ATP8A1: variants seen among roughly 807,000 people sequenced by gnomAD.
ATP8A1 encodes ATPase phospholipid transporting 8A1, also known as phospholipid-transporting ATPase IA.
In ATP8A1, 90 loss-of-function variants were observed where a neutral mutation model predicts 177.7. That is an observed-to-expected ratio of 0.51 (90% CI 0.43 to 0.60). ATP8A1 has a LOEUF of 0.60. ATP8A1 is among the 20% of genes least tolerant of loss of function. The pLI, the probability that ATP8A1 is intolerant of heterozygous loss-of-function variation, is 0.00. For missense variants in ATP8A1, 1,072 were observed against 1,392.8 expected (o/e 0.77, Z 3.67); for synonymous variants, 493 against 485.9 (o/e 1.01, Z -0.19).
chr4:42,457,870 A>T (rs1395202023), intron 27 of ATP8A1, among the ~76,000 whole-genome samples: 1 of 152,202 alleles, frequency 6.6e-6, no homozygotes, highest in East Asian at 1.9e-4. Context: ...ATACTTTACG[A>T]CAATTTTTAA....
At position 42,435,461 on chromosome 4, in the gene ATP8A1, A is replaced by AAAAAAAAAAAAAAAAAC. The variant is rs1553871738; in HGVS notation, c.3123+8103_3123+8104insGTTTTTTTTTTTTTTTT. On this transcript the variant is annotated intron_variant, in intron 33 of 36. Coordinates refer to ENST00000381668, the MANE Select transcript of ATP8A1 (RefSeq NM_006095.2). ...AAAAAAAAAAAAAACAAAAAAAAAA[A>AAAAAAAAAAAAAAAAAC]AACAAACTATCTCCAGTTATGAGCT... Among the ~76,000 whole-genome samples, 36 of 122,368 alleles carry AAAAAAAAAAAAAAAAAC rather than the reference A, an allele frequency of 2.9e-4. 6 individuals are homozygous for AAAAAAAAAAAAAAAAAC. Among genetic ancestry groups the AAAAAAAAAAAAAAAAAC allele is most frequent in the East Asian group, 5.1e-4 (2 of 3,926 alleles). 80.3% of individuals were successfully genotyped at this position (122,368 alleles called of 152,430 possible). A position where few individuals can be genotyped will look rare whatever the true frequency, so the allele number is the denominator to read the frequency against.
rs192365297 is a variant in ATP8A1, at chr4:42,557,569, A to G, written c.1341-1529T>C. On this transcript the variant is annotated intron_variant, in intron 15 of 36. Coordinates refer to ENST00000381668, the MANE Select transcript of ATP8A1 (RefSeq NM_006095.2). ...CACCAATAATTCTTTCATTTTATAA[A>G]TCAGTTACTATAATTGACTTAATTT... is the stretch of plus-strand genomic sequence containing the variant. 7.4e-3 allele frequency among the ~76,000 whole-genome samples: 1,133 copies of G among 152,284 alleles called. 9 individuals are homozygous for G. The highest frequency in any genetic ancestry group is 0.02 in the Middle Eastern group (6 of 294).
Position 42,581,327 on chromosome 4 carries a change from C to G in ATP8A1, c.834+294G>C, listed in dbSNP as rs143138891. ...TTTTTGTATTTTCAGTAGAGACGGG[C>G]TTTCACCGTGTTAGCCAGCATGATC... On this transcript the variant is annotated intron_variant, in intron 10 of 36. Transcript: ENST00000381668. Among the ~76,000 whole-genome samples, 1,049 of 152,140 alleles carry G rather than the reference C, an allele frequency of 6.9e-3. 12 individuals carry two copies. The highest frequency in any genetic ancestry group is 0.02 in the African/African-American group (846 of 41,512).
intron 6 of ATP8A1, among the ~76,000 whole-genome samples, chr4:42,595,836 T>C (rs1734665182): frequency 6.6e-6 from 1 of 152,228 alleles, no homozygotes; most frequent in Non-Finnish European, 1.5e-5. Flanking sequence ...ATTGTGCTGC[T>C]TTCCAACATC....
chr4:42,605,643 C>T (rs1031716485), intron 5 of ATP8A1, among the ~76,000 whole-genome samples: 1 of 152,310 alleles, frequency 6.6e-6, no homozygotes, highest in East Asian at 1.9e-4. Context: ...ATCTTCTGTA[C>T]GTGCTCATTT....
chr4:42,558,030 T>TCAAAAA (rs10700559), intron 15 of ATP8A1, among the ~76,000 whole-genome samples: 6,390 of 150,562 alleles, frequency 0.042, 396 homozygotes, highest in African/African-American at 0.14. Flanking sequence ...AGACTACATC[T>TCAAAAA]CAAAAACAAA....
intron 36 of ATP8A1, among the ~76,000 whole-genome samples, chr4:42,413,812 T>C (rs986618333): frequency 1.3e-5 from 2 of 152,196 alleles, no homozygotes; most frequent in South Asian, 4.1e-4. Context: ...AAACATCACC[T>C]TGTACTCCAT....
chr4:42,422,951 T>C, intron 34 of ATP8A1, 52 bp from the exon 35 acceptor site: 1 of 1,419,026 alleles, frequency 7.0e-7, no homozygotes, highest in Non-Finnish European at 9.8e-7. Flanking sequence ...TGTGAAGATT[T>C]TACAAAACTA....
chr4:42,558,216 A>G, intron 15 of ATP8A1, among the ~76,000 whole-genome samples: 1 of 152,246 alleles, frequency 6.6e-6, no homozygotes, highest in East Asian at 1.9e-4. Context: ...GCAAGCTCAT[A>G]TCAGTTAAAA....
intron 32 of ATP8A1, 129 bp from the exon 33 acceptor site, chr4:42,443,801 C>T: frequency 1.7e-6 from 1 of 573,490 alleles, no homozygotes; most frequent in Non-Finnish European, 3.1e-6. Context: ...ATAGGAGTTT[C>T]TACCTAATTG....
chr4:42,446,243 G>A (rs573908550), intron 31 of ATP8A1, among the ~76,000 whole-genome samples: 118 of 152,154 alleles, frequency 7.8e-4, no homozygotes, highest in Non-Finnish European at 9.3e-4. Context: ...TGTCATATGA[G>A]AAGGAGCCAC....
intron 30 of ATP8A1, 43 bp from the exon 31 acceptor site, chr4:42,446,687 C>T (rs1253487876): frequency 2.6e-6 from 4 of 1,535,838 alleles, no homozygotes; most frequent in Admixed American, 1.7e-5. Flanking sequence ...AAATGAGATT[C>T]TTTCAGAATC....
At chr4:42,608,363 A>AT (rs748536968) in intron 5 of ATP8A1, among the ~76,000 whole-genome samples, 213 of 138,546 alleles carry the variant, frequency 1.5e-3, no homozygotes, top group African/African-American at 3.2e-3. Flanking sequence ...CAATAATATC[A>AT]TTTTTTTTTT....
intron 16 of ATP8A1, among the ~76,000 whole-genome samples, chr4:42,553,890 G>A (rs1324151696): frequency 6.6e-6 from 1 of 152,144 alleles, no homozygotes; most frequent in Non-Finnish European, 1.5e-5. Context: ...TATTTGAGCT[G>A]ATGAAGTTTT....
intron 33 of ATP8A1, among the ~76,000 whole-genome samples, chr4:42,439,947 T>G (rs1446120056): frequency 6.6e-6 from 1 of 152,210 alleles, no homozygotes; most frequent in Non-Finnish European, 1.5e-5. Context: ...ATGAGTCAGA[T>G]AGTGATGTCA....
At chr4:42,549,434 T>C (rs549670270) in intron 18 of ATP8A1, among the ~76,000 whole-genome samples, 1,037 of 73,498 alleles carry the variant, frequency 0.014, 43 homozygotes, top group Admixed American at 0.14. Context: ...TTAATATAGA[T>C]AATAGGGGGG....
chr4:42,503,550 C>A, intron 23 of ATP8A1, 36 bp from the exon 24 acceptor site: 1 of 1,342,072 alleles, frequency 7.5e-7, no homozygotes, highest in South Asian at 1.3e-5. Context: ...AAATTAATTT[C>A]TCCAGAGAAT....
At chr4:42,593,376 T>G (rs1734386785) in intron 6 of ATP8A1, among the ~76,000 whole-genome samples, 1 of 152,026 alleles carries the variant, frequency 6.6e-6, no homozygotes, top group Admixed American at 6.6e-5. Flanking sequence ...AACAAAAACC[T>G]ATAGGTACAT....
At chr4:42,528,784 T>C (rs1447395531) in intron 20 of ATP8A1, among the ~76,000 whole-genome samples, 1 of 152,160 alleles carries the variant, frequency 6.6e-6, no homozygotes, top group Non-Finnish European at 1.5e-5. Context: ...ACTGATGACA[T>C]TATGCTGATT....
Sources: gnomAD v4.1 joint callset for allele counts (sites outside exome capture counted in the v4.1 genomes callset) on GRCh38, gnomAD v4.1.1 for gene constraint, MANE v1.5 for transcripts, NCBI Gene and HGNC (gene_info 2026-07-23, HGNC 2026-07-21) for gene names.